SLC6A2: variants seen among roughly 807,000 people sequenced by gnomAD.
SLC6A2 encodes solute carrier family 6 member 2.
A neutral mutation model predicts 71.7 loss-of-function variants in SLC6A2; 26 were observed. The ratio of observed to expected loss-of-function variants is 0.36; its 90% CI spans 0.27 to 0.50. The LOEUF (loss-of-function observed/expected upper bound fraction) is 0.50. SLC6A2 is among the 20% of genes least tolerant of loss of function. The pLI is 0.96. For synonymous variants in SLC6A2, 363 were observed against 337.9 expected (o/e 1.07, Z -0.82); for missense variants, 581 against 803.9 (o/e 0.72, Z 3.35).
intron 4 of SLC6A2, 145 bp from the exon 5 acceptor site, chr16:55,684,998 C>T (rs1375701791): frequency 1.3e-6 from 1 of 764,834 alleles, no homozygotes; most frequent in Non-Finnish European, 2.2e-6. Context: ...TGGTGCATGG[C>T]AGTGGCTAGG....
chr16:55,657,979 G>A (rs1045766865), intron 2 of SLC6A2, among the ~76,000 whole-genome samples: 2 of 152,102 alleles, frequency 1.3e-5, no homozygotes, highest in Admixed American at 6.6e-5. Flanking sequence ...TAGACCTTTT[G>A]AGGAAGAAAT....
chr16:55,693,012 C>A (rs950659213), intron 6 of SLC6A2, among the ~76,000 whole-genome samples: 3 of 152,226 alleles, frequency 2.0e-5, no homozygotes, highest in African/African-American at 7.2e-5. Flanking sequence ...AGAAGCTAAG[C>A]CCTCAGTGCA....
At chr16:55,657,067 G>A in intron 2 of SLC6A2, 99 bp downstream of exon 2, 1 of 1,360,256 alleles carries the variant, frequency 7.4e-7, no homozygotes, top group Middle Eastern at 2.6e-4. Context: ...GGGAGGCGAG[G>A]AGACAGGGGC....
chr16:55,656,400 G>A lies in SLC6A2; in HGVS notation c.-52+231G>A, dbSNP rs1964448237. 1.9e-6 allele frequency: 1 copy of A among 513,350 alleles called. No homozygotes were observed. Among genetic ancestry groups the A allele is most frequent in the Non-Finnish European group, 3.5e-6 (1 of 282,624 alleles). The allele number at this position is 513,350 out of a possible 1,614,324, so 31.8% of individuals were successfully genotyped here. On this transcript the variant is annotated intron_variant, in intron 1 of 14. Transcript: ENST00000568943. This position sits in a 1 kb window ranked among gnomAD's most constrained non-coding sequence, Gnocchi z 4.5. ...GGGGCAGGCGAGAGTGGGTGAACGAGGAAAAGTGCTGCAGGGTCTTCAGCC... is the reference window on the plus strand; with the variant it reads ...GGGGCAGGCGAGAGTGGGTGAACGAAGAAAAGTGCTGCAGGGTCTTCAGCC...
intron 6 of SLC6A2, 152 bp from the exon 7 acceptor site, chr16:55,693,858 G>A: frequency 1.4e-6 from 1 of 725,044 alleles, no homozygotes; most frequent in Admixed American, 1.9e-5. Flanking sequence ...CAGGATGCAG[G>A]GGAGGGAGTT....
chr16:55,669,522 G>C (rs1457817440), intron 2 of SLC6A2, 43 bp from the exon 3 acceptor site: 1 of 1,611,940 alleles, frequency 6.2e-7, no homozygotes, highest in African/African-American at 1.3e-5. Flanking sequence ...GACTGGGAGG[G>C]GCAGGGGTCT....
chr16:55,676,939 A>C (rs1008509926), intron 4 of SLC6A2, among the ~76,000 whole-genome samples: 2 of 152,232 alleles, frequency 1.3e-5, no homozygotes, highest in Non-Finnish European at 2.9e-5. Context: ...CCTGGAGAGC[A>C]TGGATGCCTG....
At chr16:55,663,925 G>A (rs1371686496) in intron 2 of SLC6A2, among the ~76,000 whole-genome samples, 1 of 152,120 alleles carries the variant, frequency 6.6e-6, no homozygotes, top group Admixed American at 6.5e-5. Context: ...CCCAGGCCCT[G>A]GGGGAAGGAA....
Position 55,685,190 on chromosome 16 carries a change from G to T in SLC6A2, c.692G>T (p.Gly231Val). ...GAGAGCAGCGGGATTCATGACATCG[G>T]CCTGCCCCAGTGGCAGCTCTTGCTC... is the stretch of plus-strand genomic sequence containing the variant. The part of the protein sequence containing the change: ...LHESSGIHDI[G>V]LPQWQLLLCL... Residue 231 changes from glycine to valine, a missense_variant, in exon 5 of 15, where the codon GGC becomes GTC. Around this residue, in one of 5 missense-constraint regions of SLC6A2, gnomAD observed 87 missense variants for 99.5 expected, o/e 0.87. Transcript: ENST00000568943. 1 of 1,614,098 alleles carries T rather than the reference G, an allele frequency of 6.2e-7. No individual in the cohort carries two copies. Among genetic ancestry groups the T allele is most frequent in the Non-Finnish European group, 8.5e-7 (1 of 1,179,986 alleles).
chr16:55,666,245 G>C (rs1253636737), intron 2 of SLC6A2, among the ~76,000 whole-genome samples: 1 of 152,220 alleles, frequency 6.6e-6, no homozygotes, highest in Non-Finnish European at 1.5e-5. Context: ...CATGGAGATG[G>C]AGCAGGACCA....
chr16:55,691,397 A>T (rs1432319900), intron 5 of SLC6A2, among the ~76,000 whole-genome samples: 1 of 152,122 alleles, frequency 6.6e-6, no homozygotes, highest in East Asian at 1.9e-4. Context: ...GGGTGTACTT[A>T]GTTCTGTCTG....
intron 2 of SLC6A2, 104 bp from the exon 3 acceptor site, chr16:55,669,461 C>A: frequency 7.9e-7 from 1 of 1,268,356 alleles, no homozygotes; most frequent in Non-Finnish European, 1.2e-6. Context: ...TGGAAACAGC[C>A]AGCTGAGCAG....
chr16:55,702,292 G>A, intron 14 of SLC6A2, 31 bp from the exon 15 acceptor site: 1 of 1,613,012 alleles, frequency 6.2e-7, no homozygotes, highest in Middle Eastern at 1.6e-4. Context: ...TCCCCACCAT[G>A]TCATCAAGTC....
chr16:55,702,203 G>A (rs1332660800), intron 14 of SLC6A2, 120 bp from the exon 15 acceptor site: 1 of 996,894 alleles, frequency 1.0e-6, no homozygotes. Flanking sequence ...GTTCCCTGAG[G>A]TCCGTGAAGG....
At chr16:55,665,821 C>T (rs1472450559) in intron 2 of SLC6A2, among the ~76,000 whole-genome samples, 1 of 152,182 alleles carries the variant, frequency 6.6e-6, no homozygotes, top group East Asian at 1.9e-4. Context: ...CCCTTCTGTA[C>T]CCAGAAGAGT....
chr16:55,668,630 C>A (rs1026593568), intron 2 of SLC6A2, among the ~76,000 whole-genome samples: 4 of 152,156 alleles, frequency 2.6e-5, no homozygotes, highest in Middle Eastern at 3.2e-3. Flanking sequence ...AGTGAGTCAC[C>A]TCGCAGAGTC....
rs375910266 is a variant in SLC6A2, at chr16:55,669,669, G to A, written c.379G>A (p.Val127Ile). The A allele has an allele frequency of 3.2e-5, 52 of 1,614,000 alleles. 1 individual carries two copies. The highest frequency in any genetic ancestry group is 3.2e-4 in the African/African-American group (24 of 74,918). Reference sequence around the variant, plus strand: ...GTACAACCGGGAGGGGGCTGCCACCGTTTGGAAAATCTGCCCATTCTTCAA... The same window carrying A: ...GTACAACCGGGAGGGGGCTGCCACCATTTGGAAAATCTGCCCATTCTTCAA... ...GQYNREGAAT[V>I]WKICPFFKGV... Residue 127 changes from valine to isoleucine, a missense_variant, in exon 3 of 15, where the codon GTT becomes ATT. Val to Ile is a conservative substitution (Grantham distance 29). Coordinates refer to ENST00000568943, the MANE Select transcript of SLC6A2 (RefSeq NM_001172501.3).
Position 55,703,870 on chromosome 16 carries a change from GCAGGGAGATGGTTTTGTCTCC to G in SLC6A2, c.*1530_*1550del. 1.1e-6 allele frequency: 1 copy of G among 943,772 alleles called. No homozygotes were observed. The highest frequency in any genetic ancestry group is 1.3e-6 in the Non-Finnish European group (1 of 792,112). The allele number at this position is 943,772 out of a possible 1,614,324, so 58.5% of individuals were successfully genotyped here. On this transcript the variant is annotated 3_prime_UTR_variant, in exon 15 of 15. Coordinates refer to ENST00000568943, the MANE Select transcript of SLC6A2 (RefSeq NM_001172501.3). Reference sequence around the variant, plus strand: ...AGGATTATGAGGGGACCAGGGTGGGGCAGGGAGATGGTTTTGTCTCCCAGGGTCCTGAGGTTTCCTTGCTGG... The same window carrying G: ...AGGATTATGAGGGGACCAGGGTGGGGCAGGGTCCTGAGGTTTCCTTGCTGG...
At chr16:55,677,014 C>T (rs1291346834) in intron 4 of SLC6A2, among the ~76,000 whole-genome samples, 4 of 152,170 alleles carry the variant, frequency 2.6e-5, no homozygotes, top group Admixed American at 2.6e-4. Flanking sequence ...AAATTTCCAT[C>T]AGTAGCTCCC....
Sources: allele counts gnomAD v4.1 joint callset (sites outside exome capture counted in the v4.1 genomes callset), GRCh38; gene constraint gnomAD v4.1.1; regional missense constraint gnomAD v4.1.1; non-coding constraint Gnocchi (gnomAD v3.1); transcripts MANE v1.5; gene names NCBI Gene and HGNC (gene_info 2026-07-23, HGNC 2026-07-21).